Variants in ISG20 observed in about 807,000 individuals in gnomAD.
ISG20 encodes interferon-stimulated gene 20 kDa protein.
In ISG20, 8 loss-of-function variants were observed where a neutral mutation model predicts 11.1. The observed-to-expected ratio is 0.72, with a 90% CI of 0.42 to 1.30. ISG20 has a LOEUF of 1.30. ISG20 is among the 50% of genes most tolerant of loss of function. ISG20 has a pLI of 0.01. For synonymous variants in ISG20, 110 were observed against 101.7 expected (o/e 1.08, Z -0.49); for missense variants, 243 against 250.2 (o/e 0.97, Z 0.19).
rs199875645 is a variant in ISG20, at chr15:88,652,342, C to T, written c.429+32C>T. 8.2e-5 allele frequency: 98 copies of T among 1,194,890 alleles called. 1 individual carries two copies. The African/African-American group carries it at 1.6e-3, about 19-fold the overall frequency. The allele number at this position is 1,194,890 out of a possible 1,614,324, so 74.0% of individuals were successfully genotyped here. On this transcript the variant is annotated intron_variant, in intron 3 of 3. Coordinates refer to ENST00000306072, the MANE Select transcript of ISG20 (RefSeq NM_002201.6). ...ACCTCCTCGTCCTTCTCCTCCTCCC[C>T]CCTCCTCCCCCTCCTCCCCCTCCTC... is the stretch of plus-strand genomic sequence containing the variant.
In ISG20 at chr15:88,639,329, A is replaced by C. The variant is rs1461611920; in HGVS notation, c.-24-14A>C. 4 of 1,521,170 alleles carry C rather than the reference A, an allele frequency of 2.6e-6. No individual in the cohort carries two copies. The South Asian group carries it at 3.5e-5, about 13-fold the overall frequency. The allele number at this position is 1,521,170 out of a possible 1,614,324, so 94.2% of individuals were successfully genotyped here. On this transcript the variant is annotated splice_polypyrimidine_tract_variant and intron_variant, in intron 1 of 3. Transcript: ENST00000306072. This position sits in a 1 kb window ranked among gnomAD's most constrained non-coding sequence, Gnocchi z 4.2. ...GCCCAAGCGTGAGACCGCCCCCCAT[A>C]CCCCTCTCTCCAGCATCTCTGAGGG...
upstream of ISG20, chr15:88,638,976 C>T (rs2058030495): frequency 4.0e-6 from 1 of 253,138 alleles, no homozygotes; most frequent in South Asian, 6.1e-5. Flanking sequence ...GATGCCGATG[C>T]CGGCTTGGAG....
chr15:88,641,089 T>G (rs547907691), intron 2 of ISG20, among the ~76,000 whole-genome samples: 199 of 151,996 alleles, frequency 1.3e-3, no homozygotes, highest in Non-Finnish European at 2.6e-3. Context: ...GCCTCCAGGA[T>G]TCAAGTGGTT....
chr15:88,642,215 C>T (rs951678549), intron 2 of ISG20, among the ~76,000 whole-genome samples: 8 of 152,146 alleles, frequency 5.3e-5, no homozygotes, highest in Admixed American at 5.2e-4. Flanking sequence ...AGGTGTGAAT[C>T]ACTGTGCCCA....
At chr15:88,651,917 G>C in intron 2 of ISG20, 193 bp from the exon 3 acceptor site, 1 of 1,418,880 alleles carries the variant, frequency 7.0e-7, no homozygotes, top group South Asian at 1.5e-5. Flanking sequence ...GGCACAGAAT[G>C]AAACTATCAG....
chr15:88,652,848 G>T (rs965098997), intron 3 of ISG20, among the ~76,000 whole-genome samples: 4 of 151,394 alleles, frequency 2.6e-5, no homozygotes, highest in African/African-American at 9.7e-5. Flanking sequence ...TCTGGGCAAT[G>T]ATGTAAAGCA....
chr15:88,655,404 T>C lies in ISG20; in HGVS notation c.430-11T>C, dbSNP rs1220696549. ...TCATCCCAAGTCCCCACTCTATACT[T>C]GTGTCTGCAGAACAGCCTGCTTGGA... On this transcript the variant is annotated splice_polypyrimidine_tract_variant and intron_variant, in intron 3 of 3. Transcript: ENST00000306072. 2 of 1,612,608 alleles carry C rather than the reference T, an allele frequency of 1.2e-6. No homozygotes were observed. Among genetic ancestry groups the C allele is most frequent in the Non-Finnish European group, 1.7e-6 (2 of 1,178,798 alleles).
intron 2 of ISG20, chr15:88,649,954 G>A (rs1168529078): frequency 2.2e-6 from 1 of 450,382 alleles, no homozygotes; most frequent in Non-Finnish European, 4.1e-6. Flanking sequence ...CCCTGGGCAA[G>A]TCACATCTCC....
chr15:88,639,251 G>A lies in ISG20; in HGVS notation c.-24-92G>A, dbSNP rs2066685805. On this transcript the variant is annotated intron_variant, in intron 1 of 3. Transcript: ENST00000306072. The surrounding 1 kb of genome is among the most constrained non-coding windows in gnomAD (Gnocchi z 4.2). ...AGGTGGTGTCGGAAACAAAGGGCAG[G>A]GCGGAGGGTAAGGCCAGCTGGGGTT... 4.1e-6 allele frequency: 3 copies of A among 735,896 alleles called. No homozygotes were observed. Among genetic ancestry groups the A allele is most frequent in the Non-Finnish European group, 4.4e-6 (2 of 452,644 alleles). 45.6% of individuals were successfully genotyped at this position (735,896 alleles called of 1,614,324 possible).
Position 88,655,865 on chromosome 15 carries a change from C to T in ISG20, c.*334C>T, listed in dbSNP as rs535460065. On this transcript the variant is annotated 3_prime_UTR_variant, in exon 4 of 4. Coordinates refer to ENST00000306072, the MANE Select transcript of ISG20 (RefSeq NM_002201.6). ...TAATCCCACCCTTTGCTGTTGCATC[C>T]CAGCCCTATTCCTGGTGCATTTATG... 4.8e-6 allele frequency: 1 copy of T among 209,512 alleles called. No individual in the cohort carries two copies. The highest frequency in any genetic ancestry group is 9.6e-6 in the Non-Finnish European group (1 of 104,392). 13.0% of individuals were successfully genotyped at this position (209,512 alleles called of 1,614,324 possible).
intron 2 of ISG20, among the ~76,000 whole-genome samples, chr15:88,644,555 C>G (rs11856565): frequency 8.4e-6 from 1 of 119,096 alleles, no homozygotes; most frequent in Non-Finnish European, 1.8e-5. Context: ...AAAGAAAAGA[C>G]AAAAAAAAAA....
chr15:88,654,200 A>G (rs963114325), intron 3 of ISG20, among the ~76,000 whole-genome samples: 3 of 152,174 alleles, frequency 2.0e-5, no homozygotes, highest in African/African-American at 7.2e-5. Context: ...GCAGAGTGGT[A>G]GAACACATAA....
At chr15:88,642,910 C>G (rs2058107073) in intron 2 of ISG20, among the ~76,000 whole-genome samples, 2 of 151,162 alleles carry the variant, frequency 1.3e-5, no homozygotes, top group Admixed American at 1.3e-4. Context: ...GCCACTGCAT[C>G]TGGCTGAAGC....
At chr15:88,640,337 A>G (rs568195610) in intron 2 of ISG20, among the ~76,000 whole-genome samples, 6 of 152,174 alleles carry the variant, frequency 3.9e-5, no homozygotes, top group Non-Finnish European at 5.9e-5. Flanking sequence ...GCCAGGCTCC[A>G]GGTGCTGGGG....
chr15:88,645,072 A>G (rs1395161642), intron 2 of ISG20, among the ~76,000 whole-genome samples: 2 of 152,160 alleles, frequency 1.3e-5, no homozygotes, highest in Admixed American at 1.3e-4. Flanking sequence ...GTGACACGGA[A>G]CCCTGCTCAG....
rs2141401822 is a variant in ISG20, at chr15:88,650,020, A to G, written c.229-2090A>G. The G allele has an allele frequency of 1.8e-6, 1 of 569,172 alleles. No homozygotes were observed. Among genetic ancestry groups the G allele is most frequent in the South Asian group, 2.0e-5 (1 of 49,772 alleles). The allele number at this position is 569,172 out of a possible 1,614,324, so 35.3% of individuals were successfully genotyped here. A position where few individuals can be genotyped will look rare whatever the true frequency, so the allele number is the denominator to read the frequency against. On this transcript the variant is annotated intron_variant, in intron 2 of 3. Coordinates refer to ENST00000306072, the MANE Select transcript of ISG20 (RefSeq NM_002201.6). This position sits in a 1 kb window ranked among gnomAD's most constrained non-coding sequence, Gnocchi z 4.0. Reference sequence around the variant, plus strand: ...GGGGAGAACATGTAAAAGGGAACACATGATGTTCCAGGAGGCCGCTGGCTA... The same window carrying G: ...GGGGAGAACATGTAAAAGGGAACACGTGATGTTCCAGGAGGCCGCTGGCTA...
chr15:88,639,553 C>T lies in ISG20; in HGVS notation c.187C>T (p.His63Tyr), dbSNP rs151303623. ...RTRVSGVTPQ[H>Y]MVGATPFAVA... is the part of the protein sequence containing the mutation. ...CCGGGTCAGCGGGGTCACCCCTCAGCACATGGTGGGGGCCACACCATTTGC... is the reference window on the plus strand; with the variant it reads ...CCGGGTCAGCGGGGTCACCCCTCAGTACATGGTGGGGGCCACACCATTTGC... The change falls in exon 2 of 4, where the codon CAC becomes TAC. Residue 63 changes from histidine to tyrosine, a missense_variant. Transcript: ENST00000306072. This position sits in a 1 kb window ranked among gnomAD's most constrained non-coding sequence, Gnocchi z 4.2. The T allele has an allele frequency of 1.2e-6, 2 of 1,614,064 alleles. No homozygotes were observed. The highest frequency in any genetic ancestry group is 8.5e-7 in the Non-Finnish European group (1 of 1,180,028).
Position 88,655,729 on chromosome 15 carries a change from G to A in ISG20, c.*198G>A. 1 of 493,374 alleles carries A rather than the reference G, an allele frequency of 2.0e-6. No homozygotes were observed. Among genetic ancestry groups the A allele is most frequent in the South Asian group, 2.7e-5 (1 of 37,572 alleles). 30.6% of individuals were successfully genotyped at this position (493,374 alleles called of 1,614,324 possible). A position where few individuals can be genotyped will look rare whatever the true frequency, so the allele number is the denominator to read the frequency against. On this transcript the variant is annotated 3_prime_UTR_variant, in exon 4 of 4. Coordinates refer to ENST00000306072, the MANE Select transcript of ISG20 (RefSeq NM_002201.6). ...ACCCATTTCTGTGTGATGTTAGGAG[G>A]GAATGAAGTCTTATGCTGGGGAGGT...
intron 2 of ISG20, chr15:88,647,260 T>C (rs552704128): frequency 3.5e-4 from 53 of 152,282 alleles, no homozygotes; most frequent in African/African-American, 1.2e-3. Flanking sequence ...CACCCCTTTT[T>C]ATTTATTGTA....
Sources: allele counts gnomAD v4.1 joint callset (sites outside exome capture counted in the v4.1 genomes callset), GRCh38; gene constraint gnomAD v4.1.1; non-coding constraint Gnocchi (gnomAD v3.1); transcripts MANE v1.5; gene names NCBI Gene and HGNC (gene_info 2026-07-23, HGNC 2026-07-21).